The following CSMD1 variants were observed in gnomAD, a reference collection of about 807,000 sequenced individuals.
CSMD1 encodes CUB and Sushi multiple domains 1, also known as CUB and sushi domain-containing protein 1.
Under a neutral mutation model 417.5 loss-of-function variants are expected in CSMD1, and 213 were observed. The ratio of observed to expected loss-of-function variants is 0.51; its 90% CI spans 0.46 to 0.57. CSMD1 has a LOEUF of 0.57. Among genes scored for constraint, CSMD1 ranks in the 20% least tolerant of loss-of-function variants. The probability of loss-of-function intolerance (pLI) is 0.00; values close to 1 mark genes in which losing one functional copy is unlikely to be tolerated. For synonymous variants in CSMD1, 2,862 were observed against 1,736.8 expected (o/e 1.65, Z -16.11); for missense variants, 6,923 against 4,529.7 (o/e 1.53, Z -15.17).
At chr8:3,397,023 T>A (rs936902766) in intron 16 of CSMD1, among the ~76,000 whole-genome samples, 5 of 152,096 alleles carry the variant, frequency 3.3e-5, no homozygotes, top group Admixed American at 1.3e-4. Context: ...ACTGCTTAAG[T>A]TTTCTTATGC....
intron 3 of CSMD1, among the ~76,000 whole-genome samples, chr8:4,247,482 T>C (rs1216735772): frequency 1.3e-5 from 2 of 152,174 alleles, no homozygotes; most frequent in African/African-American, 4.8e-5. Context: ...TCAATATTTA[T>C]GCAGGCTCAT....
chr8:2,955,901 T>C (rs998001366), intron 63 of CSMD1, 133 bp from the exon 64 acceptor site: 13 of 568,000 alleles, frequency 2.3e-5, no homozygotes, highest in Non-Finnish European at 3.4e-5. Flanking sequence ...TATATACACA[T>C]ATATATGTAT....
At chr8:4,762,369 C>A (rs142117185) in intron 1 of CSMD1, among the ~76,000 whole-genome samples, 1 of 151,998 alleles carries the variant, frequency 6.6e-6, no homozygotes, top group Non-Finnish European at 1.5e-5. Flanking sequence ...TACTGCTATA[C>A]ATTTAATAAA....
chr8:3,620,422 C>A (rs1361218676), intron 7 of CSMD1, among the ~76,000 whole-genome samples: 1 of 152,078 alleles, frequency 6.6e-6, no homozygotes, highest in African/African-American at 2.4e-5. Context: ...CCCCCATGTT[C>A]ATTTCCTACA....
At chr8:4,428,905 G>T (rs939067675) in intron 2 of CSMD1, among the ~76,000 whole-genome samples, 1 of 151,960 alleles carries the variant, frequency 6.6e-6, no homozygotes, top group African/African-American at 2.4e-5. Flanking sequence ...AACAGAGACA[G>T]GGTTTCACCA....
intron 2 of CSMD1, among the ~76,000 whole-genome samples, chr8:4,563,265 G>C (rs1218959337): frequency 1.3e-5 from 2 of 152,118 alleles, no homozygotes; most frequent in South Asian, 2.1e-4. Context: ...GCCGGACATG[G>C]TGGCGGGCAC....
intron 2 of CSMD1, among the ~76,000 whole-genome samples, chr8:4,483,121 C>A (rs949514607): frequency 2.0e-5 from 3 of 152,126 alleles, no homozygotes; most frequent in African/African-American, 7.2e-5. Context: ...ATACTGTTCT[C>A]CTGGTGGTGG....
chr8:4,747,737 C>A (rs1374191522), intron 1 of CSMD1, among the ~76,000 whole-genome samples: 1 of 152,118 alleles, frequency 6.6e-6, no homozygotes, highest in African/African-American at 2.4e-5. Flanking sequence ...ATGCCAATGT[C>A]CTGTGGCCCA....
intron 5 of CSMD1, among the ~76,000 whole-genome samples, chr8:3,817,153 C>T (rs1038321713): frequency 1.9e-4 from 28 of 149,536 alleles, no homozygotes; most frequent in Admixed American, 5.4e-4. Context: ...ATGTGTTCCT[C>T]GAGTAGAAAG....
intron 1 of CSMD1, among the ~76,000 whole-genome samples, chr8:4,926,800 G>A (rs981092284): frequency 6.6e-6 from 1 of 151,942 alleles, no homozygotes; most frequent in African/African-American, 2.4e-5. Flanking sequence ...GATGCCTACT[G>A]CTATTTTGTG....
chr8:3,508,157 A>C (rs905243546), intron 10 of CSMD1, among the ~76,000 whole-genome samples: 1 of 152,172 alleles, frequency 6.6e-6, no homozygotes, highest in African/African-American at 2.4e-5. Context: ...TCTCACTCAT[A>C]GGTGGGAATT....
At chr8:4,247,573 A>G (rs915242636) in intron 3 of CSMD1, among the ~76,000 whole-genome samples, 1 of 152,136 alleles carries the variant, frequency 6.6e-6, no homozygotes, top group East Asian at 1.9e-4. Flanking sequence ...GCATAATACC[A>G]CCATTCTTGT....
intron 2 of CSMD1, among the ~76,000 whole-genome samples, chr8:4,529,030 T>C (rs956743050): frequency 2.0e-5 from 3 of 152,170 alleles, no homozygotes; most frequent in African/African-American, 2.4e-5. Context: ...TGATGATATA[T>C]GTGAGACGGT....
chr8:4,521,260 T>G (rs1803429032), intron 2 of CSMD1, among the ~76,000 whole-genome samples: 1 of 151,998 alleles, frequency 6.6e-6, no homozygotes, highest in African/African-American at 2.4e-5. Context: ...TGTCATGGGG[T>G]CAAGACATAG....
intron 1 of CSMD1, among the ~76,000 whole-genome samples, chr8:4,696,221 G>A (rs1807121367): frequency 6.6e-6 from 1 of 152,172 alleles, no homozygotes; most frequent in Admixed American, 6.5e-5. Context: ...TTCAGTCTAT[G>A]GACATGACAG....
At chr8:4,396,812 A>G (rs1299276112) in intron 3 of CSMD1, among the ~76,000 whole-genome samples, 1 of 152,128 alleles carries the variant, frequency 6.6e-6, no homozygotes, top group Non-Finnish European at 1.5e-5. Flanking sequence ...CTCACTTATA[A>G]GAAGTGGGAG....
At chr8:3,994,733 A>G (rs549433523) in intron 5 of CSMD1, among the ~76,000 whole-genome samples, 2 of 152,310 alleles carry the variant, frequency 1.3e-5, no homozygotes, top group East Asian at 1.9e-4. Flanking sequence ...ATCATCCCCT[A>G]TATTTAGACT....
intron 3 of CSMD1, among the ~76,000 whole-genome samples, chr8:4,400,971 C>G (rs1281203923): frequency 2.0e-5 from 3 of 151,936 alleles, no homozygotes; most frequent in Non-Finnish European, 4.4e-5. Flanking sequence ...CTTATATTCC[C>G]TAAGTATTTT....
At chr8:4,022,720 T>G (rs1406836117) in intron 4 of CSMD1, among the ~76,000 whole-genome samples, 1 of 152,098 alleles carries the variant, frequency 6.6e-6, no homozygotes, top group Non-Finnish European at 1.5e-5. Context: ...TGTGGTGAAG[T>G]GACAACTCAC....
Sources: allele counts gnomAD v4.1 joint callset (sites outside exome capture counted in the v4.1 genomes callset), GRCh38; gene constraint gnomAD v4.1.1; transcripts MANE v1.5; gene names NCBI Gene and HGNC (gene_info 2026-07-23, HGNC 2026-07-21).